SLIT2: variants seen among roughly 807,000 people sequenced by gnomAD.
SLIT2 encodes the protein slit guidance ligand 2.
Under a neutral mutation model 185.7 loss-of-function variants are expected in SLIT2, and 41 were observed. The ratio of observed to expected loss-of-function variants is 0.22; its 90% CI spans 0.17 to 0.29. The LOEUF (loss-of-function observed/expected upper bound fraction) is 0.29, where lower values mean the gene tolerates loss of function less well. Ranked by LOEUF, SLIT2 falls within the 10% of genes least tolerant of loss-of-function variation. The pLI, the probability that SLIT2 is intolerant of heterozygous loss-of-function variation, is 1.00. For missense variants in SLIT2, 1,571 were observed against 1,909.0 expected (o/e 0.82, Z 3.30); for synonymous variants, 693 against 680.2 (o/e 1.02, Z -0.29).
chr4:20,595,617 C>T, intron 30 of SLIT2, 80 bp from the exon 31 acceptor site: 2 of 1,536,296 alleles, frequency 1.3e-6, no homozygotes, highest in Non-Finnish European at 1.8e-6. Flanking sequence ...AAAGATGGTG[C>T]CATTGTGTCT....
chr4:20,394,995 G>T (rs1028811938), intron 4 of SLIT2: 1 of 151,916 alleles, frequency 6.6e-6, no homozygotes, highest in African/African-American at 2.4e-5. Context: ...ACAGTAAGCC[G>T]TGATGACTCA....
At chr4:20,292,106 G>A in intron 4 of SLIT2, among the ~76,000 whole-genome samples, 1 of 152,146 alleles carries the variant, frequency 6.6e-6, no homozygotes, top group Non-Finnish European at 1.5e-5. Flanking sequence ...TTCAAGATTT[G>A]TTAGCCAATT....
intron 4 of SLIT2, among the ~76,000 whole-genome samples, chr4:20,397,538 C>A (rs1420596972): frequency 1.3e-5 from 2 of 151,610 alleles, no homozygotes; most frequent in African/African-American, 4.8e-5. Flanking sequence ...TGGGGTAAAC[C>A]ACACACATCT....
chr4:20,324,375 C>A (rs575666454), intron 4 of SLIT2, among the ~76,000 whole-genome samples: 1 of 131,462 alleles, frequency 7.6e-6, no homozygotes, highest in East Asian at 2.3e-4. Context: ...GCTGCTCACC[C>A]CGACCAGGCC....
intron 11 of SLIT2, among the ~76,000 whole-genome samples, chr4:20,518,557 G>GTGTATATATATATATATA (rs1271279922): frequency 0.025 from 453 of 17,842 alleles, 95 homozygotes; most frequent in East Asian, 0.043. Flanking sequence ...CAGCCTATAT[G>GTGTATATATATATATATA]TATATATATA....
At chr4:20,438,455 A>T (rs982229304) in intron 4 of SLIT2, among the ~76,000 whole-genome samples, 1 of 152,048 alleles carries the variant, frequency 6.6e-6, no homozygotes, top group African/African-American at 2.4e-5. Context: ...ATCTCGTGAG[A>T]CCCATTCACA....
At chr4:20,532,547 G>T (rs1721902626) in intron 17 of SLIT2, among the ~76,000 whole-genome samples, 1 of 152,168 alleles carries the variant, frequency 6.6e-6, no homozygotes, top group African/African-American at 2.4e-5. Context: ...CATAAGCTCA[G>T]CAGTTTCAGC....
At chr4:20,369,042 A>G (rs1028041552) in intron 4 of SLIT2, among the ~76,000 whole-genome samples, 1 of 152,118 alleles carries the variant, frequency 6.6e-6, no homozygotes, top group Non-Finnish European at 1.5e-5. Flanking sequence ...GAGGAATTCA[A>G]TTGCAGTTGA....
intron 9 of SLIT2, among the ~76,000 whole-genome samples, chr4:20,505,883 G>A (rs1013645833): frequency 6.6e-6 from 1 of 152,012 alleles, no homozygotes; most frequent in Non-Finnish European, 1.5e-5. Flanking sequence ...TAATGAGGTA[G>A]CAGTAATTAG....
rs1435397731 is a variant in SLIT2 at position 20,595,814 on chromosome 4, C to A, written c.3300C>A (p.Cys1100Ter). The change falls in exon 31 of 37, where the codon TGC becomes TGA. Residue 1100 changes from cysteine to a stop codon, truncating the protein, a stop_gained. Coordinates refer to ENST00000504154, the MANE Select transcript of SLIT2 (RefSeq NM_004787.4). LOFTEE classifies it high-confidence loss of function. Reference sequence around the variant, plus strand: ...CAGATGCAGTGAACGGCTATACGTGCATATGCCCCGAAGGTTACAGGTAAA... The same window carrying A: ...CAGATGCAGTGAACGGCTATACGTGAATATGCCCCGAAGGTTACAGGTAAA... Reference protein sequence around the residue: ...HCTDAVNGYTCICPEGYSGLF... With the variant: ...HCTDAVNGYT 1 of 1,613,894 alleles carries A rather than the reference C, an allele frequency of 6.2e-7. No homozygotes were observed.
Position 20,549,122 on chromosome 4 carries a change from G to A in SLIT2, c.2483G>A (p.Arg828Gln). The change falls in exon 24 of 37, where the codon CGA becomes CAA. Residue 828 changes from arginine to glutamine, a missense_variant. Coordinates refer to ENST00000504154, the MANE Select transcript of SLIT2 (RefSeq NM_004787.4). ...ACCTTTGATGGATTAAAGTCTCTTC[G>A]ATTACTGTAAGCATCTTGTGTTCAA... The part of the protein sequence containing the change: ...PRTFDGLKSL[R>Q]LLSLHGNDIS... The A allele has an allele frequency of 6.4e-7, 1 of 1,574,548 alleles. No individual in the cohort carries two copies. Among genetic ancestry groups the A allele is most frequent in the Non-Finnish European group, 8.7e-7 (1 of 1,145,150 alleles).
At chr4:20,351,303 C>G (rs1721856192) in intron 4 of SLIT2, among the ~76,000 whole-genome samples, 1 of 152,126 alleles carries the variant, frequency 6.6e-6, no homozygotes. Flanking sequence ...CCCGCCTCGG[C>G]CTGCCAAAGT....
rs533082318 is a variant in SLIT2 at position 20,303,625 on chromosome 4, A to G, written c.395+34744A>G. Among the ~76,000 whole-genome samples, 12 of 152,304 alleles carry G rather than the reference A, an allele frequency of 7.9e-5. No individual in the cohort carries two copies. In the South Asian group the frequency reaches 2.5e-3, roughly 32 times the overall value. ...TGAGCATGGTGGTCTTGAGGAGCCC[A>G]CGCTCCACTGAATGGATAAACAAAC... On this transcript the variant is annotated intron_variant, in intron 4 of 36. Coordinates refer to ENST00000504154, the MANE Select transcript of SLIT2 (RefSeq NM_004787.4).
At chr4:20,455,224 A>G (rs1331033163) in intron 4 of SLIT2, among the ~76,000 whole-genome samples, 2 of 152,174 alleles carry the variant, frequency 1.3e-5, no homozygotes, top group African/African-American at 4.8e-5. Flanking sequence ...AGCATGATCA[A>G]AAGAATGTAT....
chr4:20,364,306 G>A, intron 4 of SLIT2: 1 of 982,808 alleles, frequency 1.0e-6, no homozygotes, highest in Non-Finnish European at 1.2e-6. Flanking sequence ...TTTCAATAAT[G>A]GTTCAAGTAA....
intron 4 of SLIT2, among the ~76,000 whole-genome samples, chr4:20,453,619 C>G (rs1033203734): frequency 6.6e-6 from 1 of 152,098 alleles, no homozygotes; most frequent in Admixed American, 6.6e-5. Context: ...GAAAGAAAAA[C>G]TGGCTCAAGG....
At chr4:20,441,862 T>C (rs185591504) in intron 4 of SLIT2, among the ~76,000 whole-genome samples, 42 of 152,314 alleles carry the variant, frequency 2.8e-4, no homozygotes, top group African/African-American at 1.0e-3. Context: ...TAAAGTATTT[T>C]TACTGGGGAA....
rs372055670 is a variant in SLIT2 at position 20,526,601 on chromosome 4, A to G, written c.1462+1429A>G. 2.0e-5 allele frequency among the ~76,000 whole-genome samples: 3 copies of G among 152,198 alleles called. No homozygotes were observed. In the East Asian group the frequency reaches 5.8e-4, roughly 29 times the overall value. On this transcript the variant is annotated intron_variant, in intron 15 of 36. Coordinates refer to ENST00000504154, the MANE Select transcript of SLIT2 (RefSeq NM_004787.4). ...TTGGTAAGTTTAATATTTCCAATTC[A>G]CTAAATAAAGAACAAAAGTCAGGTT...
At chr4:20,510,400 A>G in intron 9 of SLIT2, 95 bp from the exon 10 acceptor site, 1 of 820,104 alleles carries the variant, frequency 1.2e-6, no homozygotes. Context: ...CATGAAGAAC[A>G]TCAACTTTAC....
Sources: allele counts gnomAD v4.1 joint callset (sites outside exome capture counted in the v4.1 genomes callset), GRCh38; gene constraint gnomAD v4.1.1; transcripts MANE v1.5; gene names NCBI Gene and HGNC (gene_info 2026-07-23, HGNC 2026-07-21).